SFSWAP: variants seen among roughly 807,000 people sequenced by gnomAD.
SFSWAP encodes the protein splicing factor, suppressor of white-apricot homolog.
A neutral mutation model predicts 100.7 loss-of-function variants in SFSWAP; 17 were observed. The ratio of observed to expected loss-of-function variants is 0.17; its 90% CI spans 0.12 to 0.25. The LOEUF is 0.25. Ranked by LOEUF, SFSWAP falls within the 10% of genes least tolerant of loss-of-function variation. The pLI, the probability that SFSWAP is intolerant of heterozygous loss-of-function variation, is 1.00. For synonymous variants in SFSWAP, 504 were observed against 510.1 expected (o/e 0.99, Z 0.16); for missense variants, 1,005 against 1,262.6 (o/e 0.80, Z 3.09).
intron 4 of SFSWAP, 148 bp downstream of exon 4, chr12:131,719,687 CA>C (rs1361649547): frequency 1.5e-6 from 1 of 654,156 alleles, no homozygotes; most frequent in East Asian, 2.7e-5. Flanking sequence ...AAAAAGATCA[CA>C]CCCTATTTAT....
intron 14 of SFSWAP, among the ~76,000 whole-genome samples, chr12:131,780,616 A>G (rs554441964): frequency 5.3e-5 from 8 of 152,326 alleles, no homozygotes; most frequent in Non-Finnish European, 7.4e-5. Flanking sequence ...GTGAGCTATG[A>G]TCACGCCACT....
At chr12:131,771,569 C>G (rs1042245457) in intron 13 of SFSWAP, among the ~76,000 whole-genome samples, 20 of 151,836 alleles carry the variant, frequency 1.3e-4, no homozygotes, top group Admixed American at 8.5e-4. Flanking sequence ...TGGTTACCAT[C>G]AGCCTTTCGG....
intron 7 of SFSWAP, among the ~76,000 whole-genome samples, chr12:131,729,398 G>A (rs1251127962): frequency 6.6e-6 from 1 of 152,132 alleles, no homozygotes; most frequent in Non-Finnish European, 1.5e-5. Context: ...GAGCTACTTG[G>A]GAGGCTGAGG....
At chr12:131,786,331 A>G (rs1487780909) in intron 14 of SFSWAP, 132 bp from the exon 15 acceptor site, 6 of 1,089,636 alleles carry the variant, frequency 5.5e-6, no homozygotes, top group Non-Finnish European at 7.5e-6. Context: ...CTGAAGCCTC[A>G]GGGTCTACAC....
At chr12:131,789,088 C>G (rs1165104581) in intron 15 of SFSWAP, among the ~76,000 whole-genome samples, 1 of 152,172 alleles carries the variant, frequency 6.6e-6, no homozygotes, top group Non-Finnish European at 1.5e-5. Flanking sequence ...TCAACTCGTC[C>G]TCCCACCTCA....
intron 12 of SFSWAP, among the ~76,000 whole-genome samples, chr12:131,765,375 G>A (rs371398829): frequency 2.6e-5 from 4 of 152,170 alleles, no homozygotes; most frequent in African/African-American, 7.2e-5. Context: ...CAGGCCAGGC[G>A]CGGTAGCTCA....
rs1880076774 is a variant in SFSWAP, at chr12:131,736,899, G to C, written c.1081+8471G>C. Among the ~76,000 whole-genome samples the C allele has an allele frequency of 4.6e-5, 7 of 152,092 alleles. No individual in the cohort carries two copies. The South Asian group carries it at 1.5e-3, about 32-fold the overall frequency. ...TGACAGACGTTTATTGTCGGTGGGG[G>C]TGTAGATTTGTGCCAGCGATGTGGT... is the stretch of plus-strand genomic sequence containing the variant. On this transcript the variant is annotated intron_variant, in intron 7 of 17. Transcript: ENST00000261674.
At chr12:131,752,340 T>C (rs1881739104) in intron 7 of SFSWAP, among the ~76,000 whole-genome samples, 1 of 152,264 alleles carries the variant, frequency 6.6e-6, no homozygotes, top group South Asian at 2.1e-4. Flanking sequence ...ATTTCGTAAT[T>C]AATCATTGAA....
Position 131,711,679 on chromosome 12 carries a change from C to A in SFSWAP, c.218+232C>A, listed in dbSNP as rs757970408. Reference sequence around the variant, plus strand: ...GTGCCGCGTCCGTCTCCGGAGGGATCGTCTCTGGTCCCGCAGCCCCTCTCG... The same window carrying A: ...GTGCCGCGTCCGTCTCCGGAGGGATAGTCTCTGGTCCCGCAGCCCCTCTCG... On this transcript the variant is annotated intron_variant, in intron 1 of 17. Transcript: ENST00000261674. The surrounding 1 kb of genome is among the most constrained non-coding windows in gnomAD (Gnocchi z 4.9). 1.9e-6 allele frequency: 1 copy of A among 533,448 alleles called. No individual in the cohort carries two copies. Among genetic ancestry groups the A allele is most frequent in the Non-Finnish European group, 3.4e-6 (1 of 297,002 alleles). The allele number at this position is 533,448 out of a possible 1,614,324, so 33.0% of individuals were successfully genotyped here. A position where few individuals can be genotyped will look rare whatever the true frequency, so the allele number is the denominator to read the frequency against.
intron 14 of SFSWAP, among the ~76,000 whole-genome samples, chr12:131,781,527 G>A (rs1395375232): frequency 2.0e-5 from 3 of 151,880 alleles, no homozygotes; most frequent in East Asian, 3.9e-4. Context: ...GTGAGCCACC[G>A]CGCCCGGCCT....
intron 11 of SFSWAP, among the ~76,000 whole-genome samples, chr12:131,759,176 T>G (rs909997098): frequency 2.6e-5 from 4 of 152,296 alleles, no homozygotes; most frequent in Middle Eastern, 3.4e-3. Flanking sequence ...TTTGAATGAA[T>G]TTGAAAATCA....
rs754769811 is a variant in SFSWAP, at chr12:131,764,498, A to G, written c.1763A>G (p.Asn588Ser). Residue 588 changes from asparagine (N) to serine (S), a missense_variant, in exon 12 of 18, where the codon AAT (asparagine) becomes AGT (serine). Asn to Ser is a conservative substitution (Grantham distance 46). This residue lies in a region of SFSWAP where 82 missense variants were observed against 131.0 expected (regional missense o/e 0.63). Coordinates refer to ENST00000261674, the MANE Select transcript of SFSWAP (RefSeq NM_004592.4). Reference sequence around the variant, plus strand: ...AGCTTTGCAATCAAGGCCAAAGAAAATGATCTGCTTCCCCTGGAAAAAAAT... The same window carrying G: ...AGCTTTGCAATCAAGGCCAAAGAAAGTGATCTGCTTCCCCTGGAAAAAAAT... ...PISFAIKAKE[N>S]DLLPLEKNRV... 6.2e-7 allele frequency: 1 copy of G among 1,614,226 alleles called. No homozygotes were observed. The highest frequency in any genetic ancestry group is 1.1e-5 in the South Asian group (1 of 91,086).
intron 9 of SFSWAP, 47 bp downstream of exon 9, chr12:131,754,546 T>C (rs1593151998): frequency 7.3e-7 from 1 of 1,376,926 alleles, no homozygotes; most frequent in East Asian, 2.8e-5. Flanking sequence ...TTTGGGGGTT[T>C]CGTTTAGCCT....
intron 7 of SFSWAP, among the ~76,000 whole-genome samples, chr12:131,748,247 T>C (rs1881316897): frequency 6.8e-6 from 1 of 147,166 alleles, no homozygotes; most frequent in Non-Finnish European, 1.5e-5. Context: ...ACAGTCTGGC[T>C]CTGATCTCAG....
chr12:131,758,685 G>A (rs572909211), intron 11 of SFSWAP, among the ~76,000 whole-genome samples: 43 of 152,326 alleles, frequency 2.8e-4, no homozygotes, highest in South Asian at 4.1e-4. Context: ...GGTGGCTCAC[G>A]CCCATAATGC....
At chr12:131,765,960 A>C (rs1270353449) in intron 12 of SFSWAP, among the ~76,000 whole-genome samples, 158 bp from the exon 13 acceptor site, 3 of 152,204 alleles carry the variant, frequency 2.0e-5, no homozygotes, top group Non-Finnish European at 4.4e-5. Context: ...GGCACGTTAT[A>C]AACTAATTCT....
chr12:131,772,919 A>G (rs576872858), intron 13 of SFSWAP, among the ~76,000 whole-genome samples: 2 of 152,296 alleles, frequency 1.3e-5, no homozygotes, highest in Admixed American at 6.5e-5. Flanking sequence ...ACAAGGGGGT[A>G]CAGCAGGAAG....
intron 3 of SFSWAP, among the ~76,000 whole-genome samples, chr12:131,718,782 G>A (rs527322105): frequency 7.9e-5 from 12 of 152,250 alleles, no homozygotes; most frequent in Non-Finnish European, 1.5e-4. Flanking sequence ...AAAGAGCAGC[G>A]GAGGGGAAAA....
In SFSWAP at chr12:131,711,475, C is replaced by G; in HGVS notation, c.218+28C>G. The G allele has an allele frequency of 6.4e-7, 1 of 1,550,564 alleles. No homozygotes were observed. The highest frequency in any genetic ancestry group is 2.2e-5 in the East Asian group (1 of 44,556). On this transcript the variant is annotated intron_variant, in intron 1 of 17. Transcript: ENST00000261674. This position sits in a 1 kb window ranked among gnomAD's most constrained non-coding sequence, Gnocchi z 4.9. ...CGGTTCCTCTCCCCACCCGTCGATC[C>G]TTCCCTTCCCTCACCCGCTTGATCT...
Sources: gnomAD v4.1 joint callset for allele counts (sites outside exome capture counted in the v4.1 genomes callset) on GRCh38, gnomAD v4.1.1 for gene constraint, gnomAD v4.1.1 regional missense constraint, Gnocchi (gnomAD v3.1) non-coding constraint, MANE v1.5 for transcripts, NCBI Gene and HGNC (gene_info 2026-07-23, HGNC 2026-07-21) for gene names.